USP25: variants seen among roughly 807,000 people sequenced by gnomAD.
USP25 encodes the protein ubiquitin carboxyl-terminal hydrolase 25.
A neutral mutation model predicts 158.5 loss-of-function variants in USP25; 85 were observed. The observed-to-expected ratio is 0.54, with a 90% CI of 0.45 to 0.64. The LOEUF (loss-of-function observed/expected upper bound fraction) is 0.64, where lower values mean the gene tolerates loss of function less well. Among genes scored for constraint, USP25 ranks in the 30% least tolerant of loss-of-function variants. The pLI, the probability that USP25 is intolerant of heterozygous loss-of-function variation, is 0.00. For missense variants in USP25, 1,242 were observed against 1,327.3 expected (o/e 0.94, Z 1.00); for synonymous variants, 464 against 460.4 (o/e 1.01, Z -0.10).
intron 17 of USP25, among the ~76,000 whole-genome samples, chr21:15,834,816 G>A (rs962998662): frequency 6.6e-6 from 1 of 152,152 alleles, no homozygotes; most frequent in African/African-American, 2.4e-5. Flanking sequence ...AGTGGCTGGT[G>A]AACTCTACCA....
chr21:15,747,673 G>A lies in USP25; in HGVS notation c.46-15218G>A, dbSNP rs1204186012. On this transcript the variant is annotated intron_variant, in intron 1 of 25. Coordinates refer to ENST00000400183, the MANE Select transcript of USP25 (RefSeq NM_001283041.3). ...GAGATGGCTGCTGACTACTAAGTGG[G>A]TAGTATACACAGTGTGGATATGTTG... Among the ~76,000 whole-genome samples the A allele has an allele frequency of 2.6e-5, 4 of 152,072 alleles. No homozygotes were observed. In the East Asian group the frequency reaches 7.7e-4, roughly 29 times the overall value.
intron 23 of USP25, among the ~76,000 whole-genome samples, chr21:15,874,008 G>C (rs999795624): frequency 1.3e-5 from 2 of 151,972 alleles, no homozygotes; most frequent in African/African-American, 4.8e-5. Context: ...TGATGTTTGT[G>C]ATCATTTACT....
intron 9 of USP25, among the ~76,000 whole-genome samples, chr21:15,818,102 A>G (rs374916096): frequency 6.6e-6 from 1 of 152,060 alleles, no homozygotes; most frequent in East Asian, 1.9e-4. Context: ...AGAATACTCT[A>G]TAGTCCCCCA....
intron 18 of USP25, among the ~76,000 whole-genome samples, chr21:15,845,757 T>G (rs2038552914): frequency 6.6e-6 from 1 of 152,148 alleles, no homozygotes; most frequent in Non-Finnish European, 1.5e-5. Context: ...ATTTCTGAAT[T>G]TACCTGTTTA....
chr21:15,812,600 G>T (rs1409679713), intron 9 of USP25, among the ~76,000 whole-genome samples: 1 of 151,570 alleles, frequency 6.6e-6, no homozygotes, highest in East Asian at 1.9e-4. Flanking sequence ...GCAGTGAGCT[G>T]AGATCGGGCC....
intron 20 of USP25, among the ~76,000 whole-genome samples, chr21:15,856,523 G>C (rs1241027469): frequency 1.3e-5 from 2 of 151,676 alleles, no homozygotes; most frequent in African/African-American, 2.4e-5. Context: ...CCAGGCTGGA[G>C]TGCAGTGGCG....
intron 14 of USP25, 99 bp downstream of exon 14, chr21:15,827,302 A>G: frequency 2.0e-6 from 2 of 1,013,730 alleles, no homozygotes. Context: ...ATATTTAAAT[A>G]TTATAGTCAT....
chr21:15,786,906 T>C (rs1468710856), intron 4 of USP25, among the ~76,000 whole-genome samples: 1 of 152,020 alleles, frequency 6.6e-6, no homozygotes, highest in Admixed American at 6.6e-5. Context: ...AACTCATAAG[T>C]GAATTCAGTA....
intron 17 of USP25, among the ~76,000 whole-genome samples, chr21:15,838,421 G>A (rs2038165037): frequency 6.6e-6 from 1 of 151,984 alleles, no homozygotes; most frequent in Non-Finnish European, 1.5e-5. Flanking sequence ...CAATAAGGAG[G>A]CAGGCCAAAT....
chr21:15,731,443 C>A (rs1049726373), intron 1 of USP25, among the ~76,000 whole-genome samples: 1 of 152,096 alleles, frequency 6.6e-6, no homozygotes, highest in African/African-American at 2.4e-5. Flanking sequence ...GAATGCCCCA[C>A]CCTGTTGTAG....
intron 17 of USP25, among the ~76,000 whole-genome samples, chr21:15,839,430 G>T (rs1204313191): frequency 6.6e-6 from 1 of 152,142 alleles, no homozygotes; most frequent in Non-Finnish European, 1.5e-5. Context: ...TAAAGTGTAT[G>T]GTAGGGTATT....
At chr21:15,824,593 G>GTCTTTCTGTCTA (rs2037403282) in intron 11 of USP25, among the ~76,000 whole-genome samples, 1 of 151,292 alleles carries the variant, frequency 6.6e-6, no homozygotes, top group African/African-American at 2.4e-5. Flanking sequence ...TTTTCTGTCT[G>GTCTTTCTGTCTA]TCTTTCTGTC....
At chr21:15,748,164 T>C (rs371081227) in intron 1 of USP25, among the ~76,000 whole-genome samples, 7 of 152,332 alleles carry the variant, frequency 4.6e-5, no homozygotes, top group African/African-American at 1.4e-4. Context: ...CCAGCGACTT[T>C]ATTGAACAGT....
At chr21:15,833,258 T>C in intron 16 of USP25, 90 bp from the exon 17 acceptor site, 1 of 1,233,614 alleles carries the variant, frequency 8.1e-7, no homozygotes, top group South Asian at 1.5e-5. Context: ...ATTCATAGTT[T>C]AAATTCTATT....
chr21:15,817,215 C>T (rs995488488), intron 9 of USP25, among the ~76,000 whole-genome samples: 1 of 151,598 alleles, frequency 6.6e-6, no homozygotes, highest in Non-Finnish European at 1.5e-5. Context: ...TCTAGTTGTT[C>T]ATGCCAGAAT....
At chr21:15,773,787 T>G (rs1445412648) in intron 3 of USP25, among the ~76,000 whole-genome samples, 1 of 152,202 alleles carries the variant, frequency 6.6e-6, no homozygotes, top group African/African-American at 2.4e-5. Flanking sequence ...GGCTATTAGT[T>G]CATATTAAAA....
chr21:15,856,665 G>T (rs1320113637), intron 20 of USP25, among the ~76,000 whole-genome samples: 12 of 152,044 alleles, frequency 7.9e-5, no homozygotes, highest in Non-Finnish European at 1.6e-4. Context: ...TAGAGACAGG[G>T]TTTCACCGTG....
Position 15,866,285 on chromosome 21 carries a change from G to A in USP25, c.2746G>A (p.Val916Ile), listed in dbSNP as rs374577248. 4.6e-5 allele frequency: 74 copies of A among 1,603,324 alleles called. No homozygotes were observed. The Middle Eastern group carries it at 1.5e-3, about 32-fold the overall frequency. ...TTTAAGGTGTCACAACATAATGAAAGTTGCTCAAGCCAAACTGGAAATGAT... is the reference window on the plus strand; with the variant it reads ...TTTAAGGTGTCACAACATAATGAAAATTGCTCAAGCCAAACTGGAAATGAT... ...FDERCHNIMK[V>I]AQAKLEMIKP... The change falls in exon 22 of 26, where the codon GTT becomes ATT. Residue 916 changes from valine to isoleucine, a missense_variant. By Grantham distance (29) the Val-to-Ile change is conservative. Coordinates refer to ENST00000400183, the MANE Select transcript of USP25 (RefSeq NM_001283041.3).
chr21:15,810,821 A>G (rs1323265443), intron 8 of USP25, among the ~76,000 whole-genome samples: 1 of 152,234 alleles, frequency 6.6e-6, no homozygotes, highest in Admixed American at 6.5e-5. Context: ...GAAATGTGTA[A>G]TGATGATAGG....
Sources: allele counts gnomAD v4.1 joint callset (sites outside exome capture counted in the v4.1 genomes callset), GRCh38; gene constraint gnomAD v4.1.1; transcripts MANE v1.5; gene names NCBI Gene and HGNC (gene_info 2026-07-23, HGNC 2026-07-21).